Variants in ASCC3 observed in about 807,000 individuals in gnomAD.
ASCC3 encodes activating signal cointegrator 1 complex subunit 3, also known as ASC-1 complex subunit P200.
Under a neutral mutation model 256.3 loss-of-function variants are expected in ASCC3, and 158 were observed. That is an observed-to-expected ratio of 0.62 (90% CI 0.54 to 0.70). The LOEUF is 0.70. Among genes scored for constraint, ASCC3 ranks in the 30% least tolerant of loss-of-function variants. The pLI is 0.00. For missense variants in ASCC3, 2,259 were observed against 2,626.0 expected, an observed-to-expected ratio of 0.86 and a Z score of 3.05; for synonymous variants, 948 against 883.4, an observed-to-expected ratio of 1.07 and a Z score of -1.30.
intron 30 of ASCC3, among the ~76,000 whole-genome samples, chr6:100,622,202 T>C (rs1015286013): frequency 1.3e-5 from 2 of 152,080 alleles, no homozygotes; most frequent in Admixed American, 6.6e-5. Flanking sequence ...TTGATATGGT[T>C]AGGCTTTGTG....
At position 100,605,616 on chromosome 6, in the gene ASCC3, T is replaced by A; in HGVS notation, c.5129A>T (p.Lys1710Ile). The change falls in exon 33 of 42, where the codon AAA becomes ATA. Residue 1710 changes from lysine to isoleucine, a missense_variant. Coordinates refer to ENST00000369162, the MANE Select transcript of ASCC3 (RefSeq NM_006828.4). ...KAVILVHDIK[K>I]DFYKKFLYEP... is the part of the protein sequence containing the mutation. ...ATAAAGAAATTTTTTATAAAAGTCT[T>A]TCTTTATGTCATGAACTAGAATTAC... The A allele has an allele frequency of 6.3e-7, 1 of 1,588,794 alleles. No individual in the cohort carries two copies. Among genetic ancestry groups the A allele is most frequent in the East Asian group, 2.2e-5 (1 of 44,676 alleles).
chr6:100,584,367 T>G (rs1771516431), intron 36 of ASCC3, among the ~76,000 whole-genome samples: 1 of 151,770 alleles, frequency 6.6e-6, no homozygotes, highest in Non-Finnish European at 1.5e-5. Context: ...CTTTTGATCT[T>G]TGTTGGTTTA....
intron 13 of ASCC3, among the ~76,000 whole-genome samples, chr6:100,697,649 T>C (rs1353523272): frequency 6.6e-6 from 1 of 151,928 alleles, no homozygotes; most frequent in African/African-American, 2.4e-5. Context: ...TGGGTAAAAC[T>C]TAAAATGGGA....
chr6:100,715,299 A>G (rs1440330956), intron 13 of ASCC3, 163 bp downstream of exon 13: 1 of 613,480 alleles, frequency 1.6e-6, no homozygotes, highest in African/African-American at 1.9e-5. Context: ...TTTATGACTT[A>G]CCCATTGGGC....
intron 4 of ASCC3, among the ~76,000 whole-genome samples, chr6:100,838,533 T>A: frequency 6.6e-6 from 1 of 152,060 alleles, no homozygotes; most frequent in African/African-American, 2.4e-5. Flanking sequence ...TTGCAGAGAA[T>A]TAGATAAATT....
At chr6:100,800,928 T>TAAA (rs1769886153) in intron 5 of ASCC3, among the ~76,000 whole-genome samples, 1 of 151,962 alleles carries the variant, frequency 6.6e-6, no homozygotes, top group Non-Finnish European at 1.5e-5. Context: ...TTTTACTATG[T>TAAA]AATAGACCTT....
intron 36 of ASCC3, among the ~76,000 whole-genome samples, chr6:100,544,219 A>C (rs1256927034): frequency 6.6e-6 from 1 of 152,158 alleles, no homozygotes; most frequent in Non-Finnish European, 1.5e-5. Context: ...AGAATTGAAG[A>C]AAGGTCTCAA....
At chr6:100,518,322 A>G (rs1263145059) in intron 37 of ASCC3, among the ~76,000 whole-genome samples, 180 bp from the exon 38 acceptor site, 2 of 152,168 alleles carry the variant, frequency 1.3e-5, no homozygotes, top group Non-Finnish European at 2.9e-5. Flanking sequence ...AACAAATCTG[A>G]TCATAGCATT....
At position 100,696,640 on chromosome 6, in the gene ASCC3, A is replaced by G. The variant is rs1778096180; in HGVS notation, c.2152-16888T>C. 2.0e-5 allele frequency among the ~76,000 whole-genome samples: 3 copies of G among 152,004 alleles called. No individual in the cohort carries two copies. In the South Asian group the frequency reaches 6.2e-4, roughly 31 times the overall value. On this transcript the variant is annotated intron_variant, in intron 13 of 41. Transcript: ENST00000369162. The stretch of plus-strand genomic sequence containing the variant: ...AAATACTCCCAATGGATGTTTAGAG[A>G]ATTTTCTACAACTTTATAAAGACAG...
chr6:100,531,183 T>A (rs1774854104), intron 37 of ASCC3: 4 of 634,252 alleles, frequency 6.3e-6, no homozygotes, highest in Non-Finnish European at 1.1e-5. Flanking sequence ...GACAAAACTT[T>A]AAGGATACAT....
At chr6:100,530,535 T>C (rs1774816103) in intron 37 of ASCC3, 5 of 784,234 alleles carry the variant, frequency 6.4e-6, no homozygotes, top group East Asian at 2.4e-5. Flanking sequence ...AGATGGTATA[T>C]AGCAGTTCTG....
At chr6:100,761,353 T>C (rs1203662959) in intron 10 of ASCC3, among the ~76,000 whole-genome samples, 3 of 152,254 alleles carry the variant, frequency 2.0e-5, no homozygotes, top group Non-Finnish European at 4.4e-5. Flanking sequence ...CGGGATGTGG[T>C]GGCATGCGCC....
intron 30 of ASCC3, among the ~76,000 whole-genome samples, chr6:100,619,486 C>A (rs866154078): frequency 6.6e-6 from 1 of 152,100 alleles, no homozygotes; most frequent in South Asian, 2.1e-4. Flanking sequence ...ATTTTACAAT[C>A]CTATATATTA....
rs1222946940 is a variant in ASCC3 at position 100,608,412 on chromosome 6, C to A, written c.4786-1324G>T. ...TATATGTATACCTTATATATATATA[C>A]CTTATATATATTTTATATATATACT... On this transcript the variant is annotated intron_variant, in intron 30 of 41. Transcript: ENST00000369162. Among the ~76,000 whole-genome samples, 8 of 56,036 alleles carry A rather than the reference C, an allele frequency of 1.4e-4. 1 individual carries two copies. Among genetic ancestry groups the A allele is most frequent in the African/African-American group, 6.5e-4 (8 of 12,266 alleles). The allele number at this position is 56,036 out of a possible 152,430, so 36.8% of individuals were successfully genotyped here.
chr6:100,702,991 G>T (rs1342294105), intron 13 of ASCC3, among the ~76,000 whole-genome samples: 1 of 152,036 alleles, frequency 6.6e-6, no homozygotes, highest in Non-Finnish European at 1.5e-5. Flanking sequence ...CATGACCAAT[G>T]ATCATGTGAT....
In ASCC3 at chr6:100,532,335, C is replaced by CGCGTGT. The variant is rs1333096090; in HGVS notation, c.5775+7827_5775+7828insACACGC. Among the ~76,000 whole-genome samples the CGCGTGT allele has an allele frequency of 2.2e-4, 22 of 99,830 alleles. 1 individual carries two copies. In the Admixed American group the frequency reaches 2.4e-3, roughly 11 times the overall value. 65.5% of individuals were successfully genotyped at this position (99,830 alleles called of 152,430 possible). ...CTCATCAAAGCAGAATGCTATCTTG[C>CGCGTGT]GTGTGTGTGTGTGTGTGTGTGTGTG... On this transcript the variant is annotated intron_variant, in intron 37 of 41. Coordinates refer to ENST00000369162, the MANE Select transcript of ASCC3 (RefSeq NM_006828.4).
At chr6:100,766,254 A>G (rs974383661) in intron 10 of ASCC3, among the ~76,000 whole-genome samples, 2 of 152,166 alleles carry the variant, frequency 1.3e-5, no homozygotes, top group African/African-American at 4.8e-5. Context: ...CCTCCTCTTA[A>G]AATTAAACTC....
At chr6:100,524,612 G>C (rs889724677) in intron 37 of ASCC3, among the ~76,000 whole-genome samples, 2 of 151,884 alleles carry the variant, frequency 1.3e-5, no homozygotes, top group South Asian at 4.2e-4. Flanking sequence ...TAGCTCTAAG[G>C]CTCATTATTT....
chr6:100,738,413 C>T (rs79242960), intron 10 of ASCC3, among the ~76,000 whole-genome samples: 4,411 of 152,168 alleles, frequency 0.029, 109 homozygotes, highest in Non-Finnish European at 0.045. Flanking sequence ...AGGAAGAGGT[C>T]CAGTTTCAAT....
Sources: allele counts gnomAD v4.1 joint callset (sites outside exome capture counted in the v4.1 genomes callset), GRCh38; gene constraint gnomAD v4.1.1; transcripts MANE v1.5; gene names NCBI Gene and HGNC (gene_info 2026-07-23, HGNC 2026-07-21).